The following NUAK1 variants were observed in gnomAD, a reference collection of about 807,000 sequenced individuals.
NUAK1 encodes the protein NUAK family SNF1-like kinase 1.
In NUAK1, 26 loss-of-function variants were observed where a neutral mutation model predicts 56.9. That is an observed-to-expected ratio of 0.46 (90% CI 0.33 to 0.63). The LOEUF (loss-of-function observed/expected upper bound fraction) is 0.63, where lower values mean the gene tolerates loss of function less well. Ranked by LOEUF, NUAK1 falls within the 30% of genes least tolerant of loss-of-function variation. The probability of loss-of-function intolerance (pLI) is 0.02; values close to 1 mark genes in which losing one functional copy is unlikely to be tolerated. For synonymous variants in NUAK1, 337 were observed against 336.0 expected (o/e 1.00, Z -0.03); for missense variants, 727 against 876.1 (o/e 0.83, Z 2.15).
Position 106,083,944 on chromosome 12 carries a change from CAA to C in NUAK1, c.514-17_514-16del. 6.2e-7 allele frequency: 1 copy of C among 1,612,218 alleles called. No individual in the cohort carries two copies. Among genetic ancestry groups the C allele is most frequent in the Non-Finnish European group, 8.5e-7 (1 of 1,178,336 alleles). ...ACCACACCGTTCTGAAATGAGAAGACAAAGAGGGAATTGAATGGGAGCGGCTG... is the reference window on the plus strand; with the variant it reads ...ACCACACCGTTCTGAAATGAGAAGACAGAGGGAATTGAATGGGAGCGGCTG... On this transcript the variant is annotated splice_polypyrimidine_tract_variant and intron_variant, in intron 3 of 6. Coordinates refer to ENST00000261402, the MANE Select transcript of NUAK1 (RefSeq NM_014840.3).
At chr12:106,117,475 C>A (rs2032929168) in intron 1 of NUAK1, among the ~76,000 whole-genome samples, 1 of 152,206 alleles carries the variant, frequency 6.6e-6, no homozygotes, top group South Asian at 2.1e-4. Context: ...AGTGTTGCTG[C>A]TGCTTCTCTC....
intron 1 of NUAK1, among the ~76,000 whole-genome samples, chr12:106,130,316 T>C (rs1219128166): frequency 1.3e-5 from 2 of 152,188 alleles, no homozygotes; most frequent in Admixed American, 1.3e-4. Context: ...ATTATTGCAT[T>C]GTTCTCAGAT....
At chr12:106,069,098 T>C (rs2032377199) in intron 6 of NUAK1, among the ~76,000 whole-genome samples, 1 of 152,226 alleles carries the variant, frequency 6.6e-6, no homozygotes, top group African/African-American at 2.4e-5. Context: ...CATATCTATA[T>C]ATACACATAC....
chr12:106,120,512 T>A (rs2032963353), intron 1 of NUAK1, among the ~76,000 whole-genome samples: 1 of 151,416 alleles, frequency 6.6e-6, no homozygotes, highest in Non-Finnish European at 1.5e-5. Context: ...GAGGACGATG[T>A]CGGGGGCAAA....
intron 1 of NUAK1, among the ~76,000 whole-genome samples, chr12:106,135,712 C>T (rs2033123085): frequency 6.6e-6 from 1 of 152,226 alleles, no homozygotes; most frequent in African/African-American, 2.4e-5. Context: ...CAAAATTCTA[C>T]CCAAAGATCA....
At chr12:106,136,827 C>T (rs1290857496) in intron 1 of NUAK1, among the ~76,000 whole-genome samples, 1 of 152,204 alleles carries the variant, frequency 6.6e-6, no homozygotes, top group African/African-American at 2.4e-5. Flanking sequence ...GGGAATATCA[C>T]CTCAGAAGAA....
chr12:106,126,362 G>GA (rs2033024332), intron 1 of NUAK1, among the ~76,000 whole-genome samples: 2 of 152,156 alleles, frequency 1.3e-5, no homozygotes, highest in Admixed American at 6.5e-5. Context: ...CCTGCCACAA[G>GA]AAAAAATGAC....
intron 1 of NUAK1, among the ~76,000 whole-genome samples, chr12:106,131,532 TA>T (rs1555224974): frequency 2.0e-5 from 3 of 152,238 alleles, no homozygotes; most frequent in Non-Finnish European, 4.4e-5. Context: ...CATTCCTTTT[TA>T]CTGTTGAATA....
intron 2 of NUAK1, among the ~76,000 whole-genome samples, chr12:106,105,532 A>C (rs899027082): frequency 6.6e-6 from 1 of 152,218 alleles, no homozygotes; most frequent in Non-Finnish European, 1.5e-5. Flanking sequence ...ATTGATACAG[A>C]AAAGATGCAC....
At chr12:106,100,462 T>C (rs1314787487) in intron 2 of NUAK1, among the ~76,000 whole-genome samples, 1 of 152,112 alleles carries the variant, frequency 6.6e-6, no homozygotes, top group Non-Finnish European at 1.5e-5. Context: ...ATTCAGATCT[T>C]CACTCAATAA....
chr12:106,116,635 C>T (rs12370774), intron 1 of NUAK1, among the ~76,000 whole-genome samples: 9,320 of 152,296 alleles, frequency 0.061, 374 homozygotes, highest in Non-Finnish European at 0.096. Context: ...CGCTGAAAGA[C>T]CATACTCTTA....
chr12:106,106,640 C>T, intron 1 of NUAK1, 115 bp from the exon 2 acceptor site: 1 of 1,046,604 alleles, frequency 9.6e-7, no homozygotes, highest in Non-Finnish European at 1.3e-6. Flanking sequence ...TGACAATAAC[C>T]AAAACAAAGC....
chr12:106,122,622 C>T (rs191520082), intron 1 of NUAK1, among the ~76,000 whole-genome samples: 122 of 152,246 alleles, frequency 8.0e-4, no homozygotes, highest in Admixed American at 1.2e-3. Context: ...AAGGTATAGA[C>T]GAGAGAAAAT....
chr12:106,089,704 G>C (rs1363405085), intron 2 of NUAK1, among the ~76,000 whole-genome samples: 1 of 152,164 alleles, frequency 6.6e-6, no homozygotes, highest in Non-Finnish European at 1.5e-5. Flanking sequence ...CAGGACAATA[G>C]CTTGAACCCA....
intron 1 of NUAK1, among the ~76,000 whole-genome samples, chr12:106,116,058 C>T (rs1368064308): frequency 2.6e-5 from 4 of 152,208 alleles, no homozygotes; most frequent in African/African-American, 4.8e-5. Flanking sequence ...TTTATAACCT[C>T]GCTCACCATT....
At chr12:106,102,154 T>C (rs947105856) in intron 2 of NUAK1, among the ~76,000 whole-genome samples, 2 of 152,182 alleles carry the variant, frequency 1.3e-5, no homozygotes, top group African/African-American at 4.8e-5. Flanking sequence ...CCGAGAGTTT[T>C]CTGGATAAAA....
rs1008405329 is a variant in NUAK1, at chr12:106,086,783, G to A, written c.464C>T (p.Thr155Ile). The A allele has an allele frequency of 5.0e-6, 8 of 1,614,136 alleles. No homozygotes were observed. Among genetic ancestry groups the A allele is most frequent in the Non-Finnish European group, 6.8e-6 (8 of 1,180,012 alleles). Residue 155 changes from threonine to isoleucine, a missense_variant, in exon 3 of 7, where the codon ACC (threonine) becomes ATC (isoleucine). By Grantham distance (89) the Thr-to-Ile change is moderately conservative (BLOSUM62 -1). Coordinates refer to ENST00000261402, the MANE Select transcript of NUAK1 (RefSeq NM_014840.3). ...GACGATCTGCCGGAAGAAGTGCCGG[G>A]TCTCCCTCTCACTGAGGCGTCGCCG... ...SERRRLSERE[T>I]RHFFRQIVSA...
chr12:106,080,785 C>T (rs539131508), intron 4 of NUAK1, among the ~76,000 whole-genome samples: 2 of 152,330 alleles, frequency 1.3e-5, no homozygotes, highest in Non-Finnish European at 2.9e-5. Flanking sequence ...TTTAGAGAAG[C>T]ACCAGAGGGG....
At position 106,138,591 on chromosome 12, in the gene NUAK1, G is replaced by C. The variant is rs372287958; in HGVS notation, c.63C>G (p.Gly21=). 3 of 1,583,486 alleles carry C rather than the reference G, an allele frequency of 1.9e-6. No homozygotes were observed. The African/African-American group carries it at 4.0e-5, about 21-fold the overall frequency. The change falls in exon 1 of 7, where the codon GGC becomes GGG. Residue 21 remains glycine (G), a synonymous_variant. Transcript: ENST00000261402. The surrounding 1 kb of genome is among the most constrained non-coding windows in gnomAD (Gnocchi z 5.0). ...DRPDLGLGAP[G]SPREAVAGAT... Reference sequence around the variant, plus strand: ...CCCCCGCCACCGCCTCTCGGGGAGAGCCCGGCGCCCCCAGCCCCAAGTCGG... The same window carrying C: ...CCCCCGCCACCGCCTCTCGGGGAGACCCCGGCGCCCCCAGCCCCAAGTCGG...
Sources: gnomAD v4.1 joint callset for allele counts (sites outside exome capture counted in the v4.1 genomes callset) on GRCh38, gnomAD v4.1.1 for gene constraint, Gnocchi (gnomAD v3.1) non-coding constraint, MANE v1.5 for transcripts, NCBI Gene and HGNC (gene_info 2026-07-23, HGNC 2026-07-21) for gene names.